Variants in ASTN2 observed in about 807,000 individuals in gnomAD.
The protein encoded by ASTN2 is astrotactin-2.
A neutral mutation model predicts 139.8 loss-of-function variants in ASTN2; 54 were observed. That is an observed-to-expected ratio of 0.39 (90% CI 0.31 to 0.48). The LOEUF is 0.48. Among genes scored for constraint, ASTN2 ranks in the 20% least tolerant of loss-of-function variants. The pLI is 0.95. For synonymous variants in ASTN2, 756 were observed against 719.5 expected (o/e 1.05, Z -0.81); for missense variants, 1,565 against 1,725.1 (o/e 0.91, Z 1.64).
intron 20 of ASTN2, among the ~76,000 whole-genome samples, chr9:116,450,640 C>A (rs750277312): frequency 6.6e-6 from 1 of 152,170 alleles, no homozygotes; most frequent in Non-Finnish European, 1.5e-5. Flanking sequence ...GATGTCCAAA[C>A]TTCCCCCCAG....
intron 19 of ASTN2, among the ~76,000 whole-genome samples, chr9:116,554,904 G>A (rs1852531582): frequency 6.6e-6 from 1 of 152,140 alleles, no homozygotes; most frequent in Non-Finnish European, 1.5e-5. Flanking sequence ...AAATTGTGAA[G>A]GTGATGCTCA....
At chr9:116,766,226 C>G (rs1203552284) in intron 13 of ASTN2, among the ~76,000 whole-genome samples, 1 of 152,028 alleles carries the variant, frequency 6.6e-6, no homozygotes, top group African/African-American at 2.4e-5. Context: ...CCCTCTTACC[C>G]CCATGGGTAT....
chr9:116,501,263 A>G (rs1026348217), intron 19 of ASTN2, among the ~76,000 whole-genome samples: 1 of 152,102 alleles, frequency 6.6e-6, no homozygotes, highest in Non-Finnish European at 1.5e-5. Context: ...ATGATTTCCA[A>G]TTTCATCCAT....
At chr9:116,454,804 T>C (rs560213884) in intron 20 of ASTN2, among the ~76,000 whole-genome samples, 12 of 152,028 alleles carry the variant, frequency 7.9e-5, no homozygotes, top group Non-Finnish European at 1.6e-4. Context: ...AAACCAAGCA[T>C]CGCATGTTCT....
At chr9:117,338,744 T>G (rs1388159264) in intron 1 of ASTN2, among the ~76,000 whole-genome samples, 5 of 151,838 alleles carry the variant, frequency 3.3e-5, no homozygotes, top group Admixed American at 1.3e-4. Flanking sequence ...TTTTTTTTTT[T>G]GCCATTATCT....
intron 11 of ASTN2, among the ~76,000 whole-genome samples, chr9:116,845,227 G>T (rs890342716): frequency 7.9e-5 from 12 of 152,106 alleles, no homozygotes; most frequent in African/African-American, 2.9e-4. Context: ...CCATTCTCCC[G>T]CCTCAGCCTC....
chr9:117,146,383 T>G (rs1830195856), intron 3 of ASTN2, among the ~76,000 whole-genome samples: 1 of 140,864 alleles, frequency 7.1e-6, no homozygotes, highest in East Asian at 2.1e-4. Flanking sequence ...TTAATGGTAA[T>G]AAACCACTGG....
At chr9:116,562,586 T>A (rs1037133953) in intron 19 of ASTN2, among the ~76,000 whole-genome samples, 2 of 150,206 alleles carry the variant, frequency 1.3e-5, no homozygotes, top group Non-Finnish European at 3.0e-5. Context: ...AGAAAAAAAA[T>A]ACAAAAATTA....
At chr9:116,497,759 T>TC (rs1416185609) in intron 19 of ASTN2, among the ~76,000 whole-genome samples, 1 of 151,770 alleles carries the variant, frequency 6.6e-6, no homozygotes, top group Non-Finnish European at 1.5e-5. Flanking sequence ...CAAGTTCTCC[T>TC]CCCCCCCAAT....
chr9:116,754,281 G>A (rs1179983087), intron 13 of ASTN2, among the ~76,000 whole-genome samples: 3 of 152,168 alleles, frequency 2.0e-5, no homozygotes, highest in Non-Finnish European at 4.4e-5. Flanking sequence ...ACGTGTGCAT[G>A]TGTCTTTATA....
intron 4 of ASTN2, among the ~76,000 whole-genome samples, chr9:117,109,290 AATT>A (rs2132783461): frequency 9.2e-6 from 1 of 108,542 alleles, no homozygotes; most frequent in South Asian, 3.0e-4. Flanking sequence ...TCAAAAAATT[AATT>A]AATAAATAAA....
intron 7 of ASTN2, among the ~76,000 whole-genome samples, chr9:116,988,563 C>T (rs1333699952): frequency 1.3e-5 from 2 of 152,144 alleles, no homozygotes. Context: ...TGATTTTATA[C>T]AGGAGGAAAC....
intron 19 of ASTN2, among the ~76,000 whole-genome samples, chr9:116,564,544 T>C (rs4836761): frequency 0.16 from 24,147 of 152,196 alleles, 2,089 homozygotes; most frequent in African/African-American, 0.21. Context: ...CAAGTAATGA[T>C]ACTTGCATCA....
intron 6 of ASTN2, among the ~76,000 whole-genome samples, chr9:117,023,983 A>T (rs914362098): frequency 6.6e-6 from 1 of 151,966 alleles, no homozygotes; most frequent in Admixed American, 6.6e-5. Context: ...GAGGTTGGGG[A>T]GGGGATGGGA....
At chr9:117,252,444 C>T (rs1202519932) in intron 2 of ASTN2, among the ~76,000 whole-genome samples, 1 of 152,218 alleles carries the variant, frequency 6.6e-6, no homozygotes, top group East Asian at 1.9e-4. Context: ...TCAGCTAATA[C>T]TTGCTGATAT....
intron 10 of ASTN2, among the ~76,000 whole-genome samples, chr9:116,892,681 C>T (rs1323431295): frequency 6.6e-6 from 1 of 152,076 alleles, no homozygotes; most frequent in African/African-American, 2.4e-5. Flanking sequence ...CCATTAATCC[C>T]ACTGCAGAGA....
chr9:117,270,320 C>T (rs1834034256), intron 2 of ASTN2, among the ~76,000 whole-genome samples: 1 of 152,156 alleles, frequency 6.6e-6, no homozygotes, highest in African/African-American at 2.4e-5. Flanking sequence ...AACTTTATAC[C>T]TGTTGGGTAA....
chr9:117,083,219 T>TA (rs939846121), intron 5 of ASTN2, among the ~76,000 whole-genome samples: 17 of 151,542 alleles, frequency 1.1e-4, no homozygotes, highest in Admixed American at 4.6e-4. Context: ...ATTATGCAAA[T>TA]AAAAAAAAAT....
chr9:117,410,003 C>T (rs951455376), intron 1 of ASTN2, among the ~76,000 whole-genome samples: 8 of 152,220 alleles, frequency 5.3e-5, no homozygotes, highest in Admixed American at 1.3e-4. Flanking sequence ...GCCAGCTCTA[C>T]GCATGCAGGT....
Sources: allele counts gnomAD v4.1 joint callset (sites outside exome capture counted in the v4.1 genomes callset), GRCh38; gene constraint gnomAD v4.1.1; transcripts MANE v1.5; gene names NCBI Gene and HGNC (gene_info 2026-07-23, HGNC 2026-07-21).